ZNF292: variants seen among roughly 807,000 people sequenced by gnomAD.
The protein encoded by ZNF292 is zinc finger protein 292.
In ZNF292, 26 loss-of-function variants were observed where a neutral mutation model predicts 217.9. The ratio of observed to expected loss-of-function variants is 0.12; its 90% CI spans 0.09 to 0.17. The LOEUF is 0.17. Among genes scored for constraint, ZNF292 ranks in the 10% least tolerant of loss-of-function variants. The pLI is 1.00. For missense variants in ZNF292, 2,904 were observed against 3,175.2 expected (o/e 0.91, Z 2.05); for synonymous variants, 1,257 against 1,124.1 (o/e 1.12, Z -2.37).
chr6:87,177,744 T>G (rs547509142), intron 1 of ZNF292, among the ~76,000 whole-genome samples: 21 of 152,330 alleles, frequency 1.4e-4, no homozygotes, highest in African/African-American at 5.1e-4. Flanking sequence ...TTAATTTCTT[T>G]AATGAGGATA....
chr6:87,212,509 T>C (rs1272351247), intron 1 of ZNF292, among the ~76,000 whole-genome samples: 1 of 152,204 alleles, frequency 6.6e-6, no homozygotes, highest in East Asian at 1.9e-4. Flanking sequence ...TGTTATCTCA[T>C]TAACATGAAA....
chr6:87,192,692 G>T (rs375902354), intron 1 of ZNF292, among the ~76,000 whole-genome samples: 2 of 152,024 alleles, frequency 1.3e-5, no homozygotes, highest in Non-Finnish European at 2.9e-5. Flanking sequence ...TATATACTTC[G>T]TTGCATTTAA....
At chr6:87,251,768 A>G (rs1337393863) in intron 7 of ZNF292, among the ~76,000 whole-genome samples, 3 of 152,228 alleles carry the variant, frequency 2.0e-5, no homozygotes, top group Non-Finnish European at 2.9e-5. Context: ...ACACACATGA[A>G]AGGTCAGAAG....
rs545944462 is a variant in ZNF292, at chr6:87,240,134, G to A, written c.742-3341G>A. The stretch of plus-strand genomic sequence containing the variant: ...GGAGGCCAAGGCTGGCAGATCACTC[G>A]CGGTTAGGAGCTGGAGACCAGCCCG... On this transcript the variant is annotated intron_variant, in intron 5 of 7. Coordinates refer to ENST00000369577, the MANE Select transcript of ZNF292 (RefSeq NM_015021.3). Among the ~76,000 whole-genome samples the A allele has an allele frequency of 2.5e-3, 386 of 152,284 alleles. 2 individuals are homozygous for A. Among genetic ancestry groups the A allele is most frequent in the African/African-American group, 8.9e-3 (372 of 41,574 alleles).
chr6:87,239,574 C>T (rs1465583687), intron 5 of ZNF292, among the ~76,000 whole-genome samples: 5 of 135,728 alleles, frequency 3.7e-5, no homozygotes, highest in South Asian at 2.4e-4. Context: ...CGGGCGGAGA[C>T]GCTCCTCACT....
Position 87,169,708 on chromosome 6 carries a change from G to A in ZNF292, c.168+13949G>A, listed in dbSNP as rs764626441. The A allele has an allele frequency of 3.2e-5, 14 of 441,954 alleles. 1 individual carries two copies. The highest frequency in any genetic ancestry group is 2.1e-4 in the South Asian group (13 of 62,680). The allele number at this position is 441,954 out of a possible 1,614,324, so 27.4% of individuals were successfully genotyped here. A position where few individuals can be genotyped will look rare whatever the true frequency, so the allele number is the denominator to read the frequency against. ...GTCACCCAGGCTGGAATGCAGTGAC[G>A]CCATCAGAGCTCACTTCAGCGTCCA... On this transcript the variant is annotated intron_variant, in intron 1 of 7. Transcript: ENST00000369577.
chr6:87,167,691 G>C (rs1770961621), intron 1 of ZNF292, among the ~76,000 whole-genome samples: 1 of 152,220 alleles, frequency 6.6e-6, no homozygotes, highest in Admixed American at 6.5e-5. Flanking sequence ...CAACCTTGCT[G>C]TTTGTACATT....
chr6:87,180,790 TC>T (rs1203175875), intron 1 of ZNF292, among the ~76,000 whole-genome samples: 2 of 152,170 alleles, frequency 1.3e-5, no homozygotes, highest in African/African-American at 4.8e-5. Context: ...GTTTGTTCCT[TC>T]CGTGGATACC....
chr6:87,214,112 T>A (rs544684420), intron 1 of ZNF292, among the ~76,000 whole-genome samples: 18 of 152,158 alleles, frequency 1.2e-4, no homozygotes, highest in Non-Finnish European at 2.5e-4. Context: ...AGTGACATGA[T>A]TAGGCAAATA....
intron 1 of ZNF292, among the ~76,000 whole-genome samples, chr6:87,181,660 C>G (rs1771477350): frequency 1.3e-5 from 2 of 151,814 alleles, no homozygotes. Flanking sequence ...TTTGCCTGTT[C>G]AAGTTAGGGT....
In ZNF292 at chr6:87,255,696, A is replaced by G; in HGVS notation, c.2067A>G (p.Lys689=). 1 of 1,613,470 alleles carries G rather than the reference A, an allele frequency of 6.2e-7. No individual in the cohort carries two copies. The highest frequency in any genetic ancestry group is 8.5e-7 in the Non-Finnish European group (1 of 1,179,726). The stretch of plus-strand genomic sequence containing the variant: ...TTAATTGCCCTGTAACTTTTTGTAA[A>G]AAGGGCTTTAAGTACTTTAAAAATT... The part of the protein sequence containing the change: ...NEFNCPVTFC[K]KGFKYFKNLI... The change falls in exon 8 of 8, where the codon AAA becomes AAG. Residue 689 remains lysine (K), a synonymous_variant. Coordinates refer to ENST00000369577, the MANE Select transcript of ZNF292 (RefSeq NM_015021.3).
chr6:87,218,493 A>T, intron 3 of ZNF292, 103 bp from the exon 4 acceptor site: 2 of 909,940 alleles, frequency 2.2e-6, no homozygotes, highest in Non-Finnish European at 3.1e-6. Flanking sequence ...TGAAATTTTT[A>T]AGATGAAAGT....
intron 5 of ZNF292, 89 bp from the exon 6 acceptor site, chr6:87,243,386 C>G: frequency 9.1e-7 from 1 of 1,098,318 alleles, no homozygotes. Flanking sequence ...TAAAAACTAT[C>G]TAAATATTTA....
chr6:87,194,107 CTT>C (rs1169799608), intron 1 of ZNF292, among the ~76,000 whole-genome samples: 5 of 152,086 alleles, frequency 3.3e-5, no homozygotes, highest in African/African-American at 1.2e-4. Flanking sequence ...AGTGTGGAAA[CTT>C]TTTCATGTCG....
At chr6:87,184,866 A>G (rs1065846) in intron 1 of ZNF292, among the ~76,000 whole-genome samples, 17,716 of 152,256 alleles carry the variant, frequency 0.12, 1,174 homozygotes, top group African/African-American at 0.17. Context: ...TGAAGTTCTC[A>G]TATCCAAGGA....
chr6:87,257,276 C>A lies in ZNF292; in HGVS notation c.3647C>A (p.Thr1216Asn), dbSNP rs1384496360. Residue 1216 changes from threonine (T) to asparagine (N), a missense_variant, in exon 8 of 8, where the codon ACT becomes AAT. By Grantham distance (65) the Thr-to-Asn change is moderately conservative. Transcript: ENST00000369577. ...GAAAGTGTCATAAATCCAAATATAA[C>A]TTCTCAGGATAAAAATGAACAAGGT... Reference protein sequence around the residue: ...SMESVINPNITSQDKNEQGGM... With the variant: ...SMESVINPNINSQDKNEQGGM... 16 of 1,613,546 alleles carry A rather than the reference C, an allele frequency of 9.9e-6. No homozygotes were observed. The highest frequency in any genetic ancestry group is 1.2e-5 in the Non-Finnish European group (14 of 1,179,778).
At chr6:87,240,453 G>A (rs1485621879) in intron 5 of ZNF292, among the ~76,000 whole-genome samples, 2 of 152,002 alleles carry the variant, frequency 1.3e-5, no homozygotes, top group Non-Finnish European at 2.9e-5. Flanking sequence ...ACAGAGTTTT[G>A]CTCTTGTTGC....
chr6:87,237,727 C>A (rs1344676495), intron 5 of ZNF292, among the ~76,000 whole-genome samples: 1 of 152,206 alleles, frequency 6.6e-6, no homozygotes, highest in East Asian at 1.9e-4. Flanking sequence ...CTTTATTCAG[C>A]ATAATGTGTC....
chr6:87,160,154 A>G (rs528472570), intron 1 of ZNF292, among the ~76,000 whole-genome samples: 33 of 152,250 alleles, frequency 2.2e-4, no homozygotes, highest in Non-Finnish European at 4.1e-4. Flanking sequence ...AGGTAGACAG[A>G]TAATCGTAGT....
Sources: allele counts gnomAD v4.1 joint callset (sites outside exome capture counted in the v4.1 genomes callset), GRCh38; gene constraint gnomAD v4.1.1; transcripts MANE v1.5; gene names NCBI Gene and HGNC (gene_info 2026-07-23, HGNC 2026-07-21).